MCTP2: variants seen among roughly 807,000 people sequenced by gnomAD.
MCTP2 encodes the protein multiple C2 and transmembrane domain-containing protein 2.
MCTP2 carries 132 observed loss-of-function variants against 111.6 expected under a neutral mutation model. The ratio of observed to expected loss-of-function variants is 1.18; its 90% CI spans 1.03 to 1.37. The LOEUF is 1.37. Ranked by LOEUF, MCTP2 falls within the 40% of genes most tolerant of loss-of-function variation. MCTP2 has a pLI of 0.00. For synonymous variants in MCTP2, 395 were observed against 387.7 expected (o/e 1.02, Z -0.22); for missense variants, 1,183 against 1,067.9 (o/e 1.11, Z -1.50).
chr15:94,257,867 G>A (rs2072925496), intron 1 of MCTP2, among the ~76,000 whole-genome samples: 1 of 150,878 alleles, frequency 6.6e-6, no homozygotes, highest in South Asian at 2.1e-4. Context: ...TTACAGGCGT[G>A]AGCCACCGTG....
intron 2 of MCTP2, among the ~76,000 whole-genome samples, chr15:94,303,071 T>TATAGTTTATATATAC (rs1480058043): frequency 7.0e-6 from 1 of 143,388 alleles, no homozygotes; most frequent in African/African-American, 2.6e-5. Flanking sequence ...AATATATATA[T>TATAGTTTATATATAC]ATAGTTTATA....
intron 1 of MCTP2, among the ~76,000 whole-genome samples, chr15:94,276,113 G>A (rs1455952365): frequency 1.3e-5 from 2 of 151,950 alleles, no homozygotes; most frequent in African/African-American, 4.8e-5. Context: ...CAAAGTGCTG[G>A]GATTACAGGT....
intron 19 of MCTP2, 136 bp from the exon 20 acceptor site, chr15:94,458,001 G>C (rs2084942782): frequency 6.8e-6 from 4 of 583,954 alleles, no homozygotes; most frequent in Non-Finnish European, 1.2e-5. Flanking sequence ...CAATATTTAA[G>C]TTGTAAAACA....
chr15:94,434,190 C>G (rs971981548), intron 17 of MCTP2, among the ~76,000 whole-genome samples: 1 of 151,840 alleles, frequency 6.6e-6, no homozygotes. Context: ...CATCCTCTAG[C>G]CTCTAGGCTT....
intron 21 of MCTP2, among the ~76,000 whole-genome samples, chr15:94,471,310 GT>G (rs1283885457): frequency 6.6e-6 from 1 of 152,206 alleles, no homozygotes; most frequent in Non-Finnish European, 1.5e-5. Flanking sequence ...ATGTTAAGAT[GT>G]TTGGGGAAAT....
intron 1 of MCTP2, among the ~76,000 whole-genome samples, chr15:94,249,016 G>A (rs1160561019): frequency 6.6e-6 from 1 of 152,180 alleles, no homozygotes; most frequent in Non-Finnish European, 1.5e-5. Flanking sequence ...TGCTATTGAA[G>A]CGCTTGTGTT....
At chr15:94,398,498 G>A (rs1336114979) in intron 14 of MCTP2, among the ~76,000 whole-genome samples, 2 of 152,106 alleles carry the variant, frequency 1.3e-5, no homozygotes, top group Admixed American at 1.3e-4. Flanking sequence ...GGATTTCACC[G>A]GTTTTTGCAC....
intron 1 of MCTP2, among the ~76,000 whole-genome samples, chr15:94,255,266 G>A (rs949970559): frequency 3.9e-5 from 6 of 152,126 alleles, no homozygotes; most frequent in African/African-American, 7.2e-5. Context: ...GATCTAACAG[G>A]TGCTTTAGAG....
At chr15:94,250,818 A>ATT (rs2072363023) in intron 1 of MCTP2, among the ~76,000 whole-genome samples, 1 of 152,196 alleles carries the variant, frequency 6.6e-6, no homozygotes, top group Non-Finnish European at 1.5e-5. Context: ...TTAGTACAGA[A>ATT]TTTATCTGCT....
chr15:94,385,409 T>C lies in MCTP2; in HGVS notation c.1686-14T>C. On this transcript the variant is annotated splice_polypyrimidine_tract_variant and intron_variant, in intron 13 of 22. Coordinates refer to ENST00000357742, the MANE Select transcript of MCTP2 (RefSeq NM_001385001.1). ...GTGTGTTTTTGTGTATAATACATGG[T>C]ATTTTTGTTACAGTCCCATTAAAGA... 6.4e-7 allele frequency: 1 copy of C among 1,552,300 alleles called. No individual in the cohort carries two copies. Among genetic ancestry groups the C allele is most frequent in the Admixed American group, 1.7e-5 (1 of 59,922 alleles).
chr15:94,413,569 A>AGTGTGTGTGT (rs34860214), intron 17 of MCTP2, among the ~76,000 whole-genome samples: 6 of 149,342 alleles, frequency 4.0e-5, no homozygotes, highest in African/African-American at 1.2e-4. Context: ...CATGACGCTG[A>AGTGTGTGTGT]GTGTGTGTGT....
chr15:94,308,889 T>C (rs1384677870), intron 2 of MCTP2, among the ~76,000 whole-genome samples: 1 of 152,188 alleles, frequency 6.6e-6, no homozygotes, highest in Non-Finnish European at 1.5e-5. Context: ...GGGATGTAAT[T>C]TACTGACTGT....
intron 1 of MCTP2, among the ~76,000 whole-genome samples, chr15:94,280,752 A>G (rs537375459): frequency 1.4e-4 from 21 of 150,488 alleles, no homozygotes; most frequent in African/African-American, 4.9e-4. Context: ...TTCATCTTAA[A>G]CTCCAACTGT....
At chr15:94,298,988 C>T (rs1215754720) in intron 2 of MCTP2, among the ~76,000 whole-genome samples, 4 of 55,060 alleles carry the variant, frequency 7.3e-5, no homozygotes, top group African/African-American at 1.4e-4. Context: ...TCTCCCTCTC[C>T]CTCTCTCCCT....
chr15:94,289,630 T>C (rs898027121), intron 1 of MCTP2, among the ~76,000 whole-genome samples: 1 of 152,224 alleles, frequency 6.6e-6, no homozygotes, highest in African/African-American at 2.4e-5. Flanking sequence ...GTATGGCTTA[T>C]GGTTGAAATC....
chr15:94,438,626 G>A (rs192221927), intron 17 of MCTP2, among the ~76,000 whole-genome samples: 5 of 152,116 alleles, frequency 3.3e-5, no homozygotes, highest in Middle Eastern at 3.4e-3. Context: ...CTGAACGAAC[G>A]GTTGGTTAGC....
In MCTP2 at chr15:94,251,231, G is replaced by A. The variant is rs182036671; in HGVS notation, c.-66+19567G>A. ...AATAAATATATCTTTTTACTTTACCGAATTCATCTCCTTAAAATGTGTCAG... is the reference window on the plus strand; with the variant it reads ...AATAAATATATCTTTTTACTTTACCAAATTCATCTCCTTAAAATGTGTCAG... On this transcript the variant is annotated intron_variant, in intron 1 of 22. Coordinates refer to ENST00000357742, the MANE Select transcript of MCTP2 (RefSeq NM_001385001.1). Among the ~76,000 whole-genome samples, 44 of 152,242 alleles carry A rather than the reference G, an allele frequency of 2.9e-4. No individual in the cohort carries two copies. The East Asian group carries it at 7.9e-3, about 27-fold the overall frequency.
At chr15:94,243,186 T>C (rs1469327662) in intron 1 of MCTP2, among the ~76,000 whole-genome samples, 7 of 148,082 alleles carry the variant, frequency 4.7e-5, no homozygotes, top group Non-Finnish European at 9.1e-5. Context: ...TATGTACGTA[T>C]GCGTATATAC....
At chr15:94,281,703 C>T (rs1179973368) in intron 1 of MCTP2, among the ~76,000 whole-genome samples, 1 of 152,090 alleles carries the variant, frequency 6.6e-6, no homozygotes, top group East Asian at 1.9e-4. Context: ...AACAGTCTTT[C>T]ATTTCCATGT....
Sources: gnomAD v4.1 joint callset for allele counts (sites outside exome capture counted in the v4.1 genomes callset) on GRCh38, gnomAD v4.1.1 for gene constraint, MANE v1.5 for transcripts, NCBI Gene and HGNC (gene_info 2026-07-23, HGNC 2026-07-21) for gene names.